Variants in PLEKHG7 observed in about 807,000 individuals in gnomAD.
PLEKHG7 encodes the protein pleckstrin homology domain-containing family G member 7.
A neutral mutation model predicts 85.2 loss-of-function variants in PLEKHG7; 77 were observed. The ratio of observed to expected loss-of-function variants is 0.90; its 90% CI spans 0.75 to 1.09. PLEKHG7 has a LOEUF of 1.09. PLEKHG7 is among the 50% of genes least tolerant of loss of function. The probability of loss-of-function intolerance (pLI) is 0.00; values close to 1 mark genes in which losing one functional copy is unlikely to be tolerated. For missense variants in PLEKHG7, 777 were observed against 804.3 expected, an observed-to-expected ratio of 0.97 and a Z score of 0.41; for synonymous variants, 301 against 302.4, an observed-to-expected ratio of 1.00 and a Z score of 0.05.
intron 10 of PLEKHG7, among the ~76,000 whole-genome samples, chr12:92,749,083 A>G (rs1456228449): frequency 6.6e-6 from 1 of 152,202 alleles, no homozygotes; most frequent in African/African-American, 2.4e-5. Context: ...AATCTCCTAC[A>G]ATGTTCTGTT....
At chr12:92,711,149 G>A (rs1871360463) in intron 3 of PLEKHG7, among the ~76,000 whole-genome samples, 1 of 152,192 alleles carries the variant, frequency 6.6e-6, no homozygotes, top group Non-Finnish European at 1.5e-5. Flanking sequence ...ACTCCTCGAA[G>A]TTCTGCCCAC....
intron 13 of PLEKHG7, among the ~76,000 whole-genome samples, chr12:92,761,544 G>A (rs1490101701): frequency 8.7e-5 from 2 of 22,858 alleles, no homozygotes; most frequent in Admixed American, 8.7e-4. Context: ...TTAAAAAAAA[G>A]AGAGAAAGAA....
chr12:92,767,426 C>T (rs976362287), intron 15 of PLEKHG7, among the ~76,000 whole-genome samples: 3 of 151,876 alleles, frequency 2.0e-5, no homozygotes, highest in African/African-American at 7.3e-5. Flanking sequence ...AGAACAATGA[C>T]CTGATCTTTA....
rs1592675353 is a variant in PLEKHG7, at chr12:92,721,596, C to G, written c.531-7397C>G. On this transcript the variant is annotated intron_variant, in intron 3 of 16. Coordinates refer to ENST00000344636, the MANE Select transcript of PLEKHG7 (RefSeq NM_001377329.1). ...GTGGGGAAAGCCAGTGGAAGGGTGT[C>G]CTGCTCTAGAGAGCTGCAAAGTCTG... is the stretch of plus-strand genomic sequence containing the variant. 13 of 1,157,772 alleles carry G rather than the reference C, an allele frequency of 1.1e-5. No individual in the cohort carries two copies. The East Asian group carries it at 4.2e-4, about 38-fold the overall frequency. The allele number at this position is 1,157,772 out of a possible 1,614,324, so 71.7% of individuals were successfully genotyped here. A position where few individuals can be genotyped will look rare whatever the true frequency, so the allele number is the denominator to read the frequency against.
chr12:92,760,021 C>T (rs74379087), intron 13 of PLEKHG7, among the ~76,000 whole-genome samples: 4,176 of 152,210 alleles, frequency 0.027, 189 homozygotes, highest in African/African-American at 0.096. Context: ...TTCTGTGTGG[C>T]CCAAGATGAC....
At chr12:92,739,624 A>G (rs960742277) in intron 7 of PLEKHG7, among the ~76,000 whole-genome samples, 3 of 152,178 alleles carry the variant, frequency 2.0e-5, no homozygotes, top group African/African-American at 7.2e-5. Flanking sequence ...GTATATATGT[A>G]CCTTCCTTTT....
intron 3 of PLEKHG7, 171 bp downstream of exon 3, chr12:92,707,843 G>T: frequency 8.9e-7 from 1 of 1,125,954 alleles, no homozygotes. Flanking sequence ...TTCATTTCAA[G>T]AGTCTCCCTT....
chr12:92,725,930 A>G (rs1871785680), intron 3 of PLEKHG7, among the ~76,000 whole-genome samples: 5 of 152,164 alleles, frequency 3.3e-5, no homozygotes, highest in Admixed American at 3.3e-4. Flanking sequence ...ACAGAAGCCC[A>G]CTTCAGATCT....
At chr12:92,764,281 A>C in intron 15 of PLEKHG7, 87 bp downstream of exon 15, 3 of 1,318,214 alleles carry the variant, frequency 2.3e-6, no homozygotes, top group Middle Eastern at 2.3e-4. Context: ...TCATAAATCC[A>C]ATTCAAGTCT....
intron 10 of PLEKHG7, among the ~76,000 whole-genome samples, chr12:92,750,955 A>AATAG (rs1872676317): frequency 6.6e-6 from 1 of 151,972 alleles, no homozygotes; most frequent in South Asian, 2.1e-4. Flanking sequence ...TAAATAAATA[A>AATAG]ATAAATAAAA....
Position 92,741,580 on chromosome 12 carries a change from C to A in PLEKHG7, c.1125C>A (p.Ser375=). The change falls in exon 9 of 17, where the codon TCC becomes TCA. Residue 375 remains serine (S), a synonymous_variant. Coordinates refer to ENST00000344636, the MANE Select transcript of PLEKHG7 (RefSeq NM_001377329.1). ...TTTCCTCATCACTGGATTTTATTTC[C>A]GTGCTCACAAAGGTAAACTCCTTCT... The part of the protein sequence containing the change: ...SEISSSLDFI[S]VLTKYFRGSL... The A allele has an allele frequency of 6.2e-7, 1 of 1,612,260 alleles. No individual in the cohort carries two copies. Among genetic ancestry groups the A allele is most frequent in the Non-Finnish European group, 8.5e-7 (1 of 1,178,884 alleles).
At chr12:92,748,250 CT>C (rs11308028) in intron 10 of PLEKHG7, among the ~76,000 whole-genome samples, 21,484 of 143,240 alleles carry the variant, frequency 0.15, 2,425 homozygotes, top group African/African-American at 0.33. Context: ...ACACATGATG[CT>C]TTTTTTTTTT....
intron 4 of PLEKHG7, among the ~76,000 whole-genome samples, chr12:92,730,781 A>T (rs1236804281): frequency 6.6e-6 from 1 of 152,190 alleles, no homozygotes; most frequent in East Asian, 1.9e-4. Flanking sequence ...TGAGAACCAC[A>T]TGCTAAGGAA....
chr12:92,722,076 A>C (rs1406618733), intron 3 of PLEKHG7, among the ~76,000 whole-genome samples: 1 of 152,016 alleles, frequency 6.6e-6, no homozygotes, highest in African/African-American at 2.4e-5. Flanking sequence ...AAAAAAAAAA[A>C]AACCCTAATA....
chr12:92,749,870 ATTTTATTTTATT>A (rs1185521237), intron 10 of PLEKHG7: 2 of 139,324 alleles, frequency 1.4e-5, no homozygotes, highest in African/African-American at 2.6e-5. Flanking sequence ...ATTTTATTTT[ATTTTATTTTATT>A]TTTTATTTTA....
chr12:92,732,180 T>A, intron 4 of PLEKHG7, 53 bp from the exon 5 acceptor site: 1 of 1,095,428 alleles, frequency 9.1e-7, no homozygotes, highest in Non-Finnish European at 1.2e-6. Flanking sequence ...CGATGATCTG[T>A]CGCTAGTTAC....
rs1308023593 is a variant in PLEKHG7, at chr12:92,770,741, A to G, written c.*546A>G. 2.0e-5 allele frequency: 3 copies of G among 152,212 alleles called. No individual in the cohort carries two copies. Among genetic ancestry groups the G allele is most frequent in the Non-Finnish European group, 4.4e-5 (3 of 68,056 alleles). The allele number at this position is 152,212 out of a possible 1,614,324, so 9.4% of individuals were successfully genotyped here. A position where few individuals can be genotyped will look rare whatever the true frequency, so the allele number is the denominator to read the frequency against. On this transcript the variant is annotated 3_prime_UTR_variant, in exon 17 of 17. Coordinates refer to ENST00000344636, the MANE Select transcript of PLEKHG7 (RefSeq NM_001377329.1). ...ACTACATTTAAGTAGCAGTTTTAAA[A>G]TTCCTATTCTCAAACTCATCTCAGG...
Position 92,703,043 on chromosome 12 carries a change from C to T in PLEKHG7, c.-251C>T, listed in dbSNP as rs1018278287. 5.3e-5 allele frequency: 8 copies of T among 152,238 alleles called. No individual in the cohort carries two copies. Among genetic ancestry groups the T allele is most frequent in the African/African-American group, 1.9e-4 (8 of 41,460 alleles). The allele number at this position is 152,238 out of a possible 1,614,324, so 9.4% of individuals were successfully genotyped here. ...TGTGGAACTTGTTGCTCCGAGCCCT[C>T]GCCTGGCAGCTCACTCTGGATCTGC... On this transcript the variant is annotated 5_prime_UTR_variant, in exon 1 of 17. Transcript: ENST00000344636.
chr12:92,734,860 T>C (rs1872093027), intron 5 of PLEKHG7, among the ~76,000 whole-genome samples: 1 of 152,250 alleles, frequency 6.6e-6, no homozygotes. Flanking sequence ...GAATTAACCT[T>C]GGCTTCTCGA....
Sources: allele counts gnomAD v4.1 joint callset (sites outside exome capture counted in the v4.1 genomes callset), GRCh38; gene constraint gnomAD v4.1.1; transcripts MANE v1.5; gene names NCBI Gene and HGNC (gene_info 2026-07-23, HGNC 2026-07-21).